Variants in CPLX2 observed in about 807,000 individuals in gnomAD.
CPLX2 encodes the protein complexin 2, also known as complexin-2.
In CPLX2, 5 loss-of-function variants were observed where a neutral mutation model predicts 16.3. That is an observed-to-expected ratio of 0.31 (90% confidence interval 0.16 to 0.64). The LOEUF is 0.64. Among genes scored for constraint, CPLX2 ranks in the 30% least tolerant of loss-of-function variants. The probability of loss-of-function intolerance (pLI) is 0.79; values close to 1 mark genes in which losing one functional copy is unlikely to be tolerated. For missense variants in CPLX2, 144 were observed against 181.4 expected (o/e 0.79, Z 1.18); for synonymous variants, 89 against 73.2 (o/e 1.22, Z -1.10).
chr5:175,861,136 C>T (rs1759364640), intron 2 of CPLX2, among the ~76,000 whole-genome samples: 1 of 152,148 alleles, frequency 6.6e-6, no homozygotes, highest in Admixed American at 6.5e-5. Context: ...AGGCCATGGG[C>T]CAAGACAAGT....
intron 2 of CPLX2, among the ~76,000 whole-genome samples, chr5:175,846,168 G>C (rs777865637): frequency 6.6e-6 from 1 of 152,126 alleles, no homozygotes; most frequent in South Asian, 2.1e-4. Flanking sequence ...CCCCAAGGGT[G>C]GGGGTGAGGC....
At chr5:175,816,260 T>C (rs1319744750) in intron 2 of CPLX2, among the ~76,000 whole-genome samples, 1 of 152,102 alleles carries the variant, frequency 6.6e-6, no homozygotes, top group East Asian at 1.9e-4. Context: ...CTCCAGCTTC[T>C]GGGTTCAAGC....
At chr5:175,863,814 C>T (rs1759413496) in intron 2 of CPLX2, among the ~76,000 whole-genome samples, 1 of 152,148 alleles carries the variant, frequency 6.6e-6, no homozygotes, top group Admixed American at 6.5e-5. Context: ...TCACACAGTT[C>T]CCATTTTGGA....
At chr5:175,848,645 C>T (rs1486792162) in intron 2 of CPLX2, among the ~76,000 whole-genome samples, 9 of 152,160 alleles carry the variant, frequency 5.9e-5, no homozygotes, top group Admixed American at 3.3e-4. Context: ...GCAATAAACA[C>T]ATTTAAATGA....
At chr5:175,810,910 G>GTAT (rs1275917747) in intron 2 of CPLX2, among the ~76,000 whole-genome samples, 1 of 152,190 alleles carries the variant, frequency 6.6e-6, no homozygotes, top group African/African-American at 2.4e-5. Flanking sequence ...CATATAGAAT[G>GTAT]TATTGGTTTA....
intron 2 of CPLX2, among the ~76,000 whole-genome samples, chr5:175,832,912 C>T (rs887691275): frequency 2.6e-5 from 4 of 152,074 alleles, no homozygotes; most frequent in Admixed American, 2.0e-4. Flanking sequence ...CCCAGCACTT[C>T]GGGAGGCCGA....
intron 2 of CPLX2, among the ~76,000 whole-genome samples, chr5:175,834,500 T>C (rs1758789559): frequency 6.6e-6 from 1 of 152,244 alleles, no homozygotes; most frequent in South Asian, 2.1e-4. Flanking sequence ...ACGCAATTCA[T>C]GCTTGGGTGG....
chr5:175,867,170 T>TG (rs1284186682), upstream of CPLX2, among the ~76,000 whole-genome samples: 2 of 152,068 alleles, frequency 1.3e-5, no homozygotes, highest in African/African-American at 4.8e-5. Flanking sequence ...GTGCCTCTAG[T>TG]GGGGGCAGAA....
chr5:175,852,823 G>A (rs1196531560), intron 2 of CPLX2, among the ~76,000 whole-genome samples: 4 of 152,106 alleles, frequency 2.6e-5, no homozygotes, highest in East Asian at 1.9e-4. Flanking sequence ...GGTGTCTCGC[G>A]GTGTTTTCCA....
chr5:175,839,522 T>C (rs1365348634), intron 2 of CPLX2, among the ~76,000 whole-genome samples: 1 of 152,188 alleles, frequency 6.6e-6, no homozygotes, highest in Non-Finnish European at 1.5e-5. Flanking sequence ...TGACCTCAGG[T>C]GATCCGCCCA....
chr5:175,809,591 G>T lies in CPLX2; in HGVS notation c.-89+523G>T. On this transcript the variant is annotated intron_variant, in intron 2 of 4. Coordinates refer to the CPLX2 transcript ENST00000359546. The surrounding 1 kb of genome is among the most constrained non-coding windows in gnomAD (Gnocchi z 4.4). ...CCTGTGCTTTTTCTGCTGAGCCACG[G>T]CTTCCTGCACTGATGAGCTCAACAT... Among the ~76,000 whole-genome samples the T allele has an allele frequency of 6.6e-6, 1 of 152,074 alleles. No individual in the cohort carries two copies. Among genetic ancestry groups the T allele is most frequent in the East Asian group, 1.9e-4 (1 of 5,182 alleles).
intron 1 of CPLX2, among the ~76,000 whole-genome samples, chr5:175,876,840 T>A (rs895126004): frequency 6.6e-6 from 1 of 152,194 alleles, no homozygotes; most frequent in Non-Finnish European, 1.5e-5. Flanking sequence ...TTCTTAGAAA[T>A]GAAGTTTTTT....
At chr5:175,860,300 G>GT (rs1759337207) in intron 2 of CPLX2, among the ~76,000 whole-genome samples, 2 of 151,900 alleles carry the variant, frequency 1.3e-5, no homozygotes, top group Admixed American at 6.6e-5. Context: ...AGACCAGCCT[G>GT]TAGCCCCAGC....
At chr5:175,820,283 T>TC (rs1257045079) in intron 2 of CPLX2, among the ~76,000 whole-genome samples, 1 of 152,192 alleles carries the variant, frequency 6.6e-6, no homozygotes, top group African/African-American at 2.4e-5. Flanking sequence ...GCGCCTGGCG[T>TC]CATGAGCCCT....
upstream of CPLX2, among the ~76,000 whole-genome samples, chr5:175,871,270 G>C (rs891049386): frequency 1.3e-5 from 2 of 150,482 alleles, no homozygotes; most frequent in Admixed American, 6.6e-5. Flanking sequence ...GCGAGGGGGA[G>C]GAGAACAGTG....
At chr5:175,819,420 G>GTCTTTTCCATTTCAGCGAT (rs1561772643) in intron 2 of CPLX2, among the ~76,000 whole-genome samples, 2 of 152,196 alleles carry the variant, frequency 1.3e-5, no homozygotes, top group Non-Finnish European at 2.9e-5. Context: ...GGTATTTTCC[G>GTCTTTTCCATTTCAGCGAT]TCTTTTCCAT....
chr5:175,800,138 G>C (rs1015769387), intron 1 of CPLX2, among the ~76,000 whole-genome samples: 2 of 152,092 alleles, frequency 1.3e-5, no homozygotes, highest in Non-Finnish European at 2.9e-5. Flanking sequence ...TGTGCCTTTT[G>C]AGAACATAAA....
intron 1 of CPLX2, 92 bp from the exon 2 acceptor site, chr5:175,878,560 G>C: frequency 1.5e-6 from 1 of 665,260 alleles, no homozygotes; most frequent in South Asian, 1.8e-5. Flanking sequence ...GGTGCCTGGT[G>C]TCTGAACCAG....
chr5:175,874,977 G>T lies in CPLX2; in HGVS notation c.-89+3272G>T, dbSNP rs191512301. 5.4e-3 allele frequency among the ~76,000 whole-genome samples: 822 copies of T among 152,330 alleles called. 32 individuals are homozygous for T. Among genetic ancestry groups the T allele is most frequent in the Admixed American group, 0.051 (782 of 15,302 alleles). ...TTCCAGAAAGCTGGAAAAGGTGGGG[G>T]GAGGGAGTCAGCAGCAGCATGTGAT... On this transcript the variant is annotated intron_variant, in intron 1 of 3. Transcript: ENST00000393745.
Sources: allele counts gnomAD v4.1 joint callset (sites outside exome capture counted in the v4.1 genomes callset), GRCh38; gene constraint gnomAD v4.1.1; non-coding constraint Gnocchi (gnomAD v3.1); transcripts MANE v1.5; gene names NCBI Gene and HGNC (gene_info 2026-07-23, HGNC 2026-07-21).